Variants in TERB2 observed in about 807,000 individuals in gnomAD.
TERB2 encodes telomere repeat binding bouquet formation protein 2, also known as telomere repeats-binding bouquet formation protein 2.
A neutral mutation model predicts 29.8 loss-of-function variants in TERB2; 26 were observed. That is an observed-to-expected ratio of 0.87 (90% CI 0.64 to 1.21). The LOEUF (loss-of-function observed/expected upper bound fraction) is 1.21, where lower values mean the gene tolerates loss of function less well. TERB2 is among the 50% of genes most tolerant of loss of function. The pLI is 0.00. For synonymous variants in TERB2, 80 were observed against 90.8 expected (o/e 0.88, Z 0.68); for missense variants, 240 against 268.6 (o/e 0.89, Z 0.74).
intron 5 of TERB2, among the ~76,000 whole-genome samples, chr15:44,968,112 T>C (rs1022951888): frequency 2.3e-4 from 33 of 144,416 alleles, no homozygotes; most frequent in Non-Finnish European, 3.3e-4. Context: ...ACTAGGGACG[T>C]TGATTTTTTT....
At chr15:44,976,416 T>C (rs1016939761) in intron 6 of TERB2, among the ~76,000 whole-genome samples, 7 of 152,116 alleles carry the variant, frequency 4.6e-5, no homozygotes, top group Non-Finnish European at 8.8e-5. Flanking sequence ...AGGCTTCAAC[T>C]CTTCACCAAA....
chr15:44,964,624 T>C (rs1488867409), intron 4 of TERB2, among the ~76,000 whole-genome samples: 5 of 152,172 alleles, frequency 3.3e-5, no homozygotes, highest in Admixed American at 6.6e-5. Context: ...CCAATGTTTT[T>C]TCTACTAAAA....
chr15:44,957,929 G>T (rs1483058429), intron 2 of TERB2, among the ~76,000 whole-genome samples: 2 of 151,332 alleles, frequency 1.3e-5, no homozygotes, highest in African/African-American at 4.9e-5. Context: ...TATTGTTCAT[G>T]CATGCCTTTT....
chr15:44,978,017 G>C (rs548139985), intron 6 of TERB2, among the ~76,000 whole-genome samples: 1 of 152,020 alleles, frequency 6.6e-6, no homozygotes, highest in African/African-American at 2.4e-5. Context: ...CAGTAACATC[G>C]ATTTTTCATT....
intron 5 of TERB2, among the ~76,000 whole-genome samples, chr15:44,967,337 C>T (rs1278324980): frequency 6.6e-6 from 1 of 152,218 alleles, no homozygotes; most frequent in Non-Finnish European, 1.5e-5. Flanking sequence ...GGGGAATCCC[C>T]ACAACGGAGT....
At chr15:44,971,981 C>CTTTTTTT (rs71111900) in intron 5 of TERB2, among the ~76,000 whole-genome samples, 18 of 66,336 alleles carry the variant, frequency 2.7e-4, no homozygotes, top group Admixed American at 8.4e-4. Flanking sequence ...GAAATAGAAG[C>CTTTTTTT]TTTTTTTTTT....
Position 44,958,385 on chromosome 15 carries a change from C to G in TERB2, c.159C>G (p.Ser53Arg), listed in dbSNP as rs370199137. Residue 53 changes from serine to arginine, a missense_variant, in exon 3 of 7, where the codon AGC (serine) becomes AGG (arginine). Ser to Arg is a moderately radical substitution (Grantham distance 110). Transcript: ENST00000340827. ...SHPDTLRIYQSLDYIEDNATV... is the reference protein window; with the variant it reads ...SHPDTLRIYQRLDYIEDNATV... ...TTCTTTCTCCTAGAATATATCAGAGCCTTGATTACATAGAAGATAATGCTA... is the reference window on the plus strand; with the variant it reads ...TTCTTTCTCCTAGAATATATCAGAGGCTTGATTACATAGAAGATAATGCTA... 1.9e-6 allele frequency: 3 copies of G among 1,611,808 alleles called. No individual in the cohort carries two copies. The highest frequency in any genetic ancestry group is 2.2e-5 in the East Asian group (1 of 44,866).
intron 3 of TERB2, 128 bp downstream of exon 3, chr15:44,958,640 C>T: frequency 9.8e-7 from 1 of 1,021,776 alleles, no homozygotes; most frequent in Non-Finnish European, 1.4e-6. Flanking sequence ...ATCTATTTAA[C>T]ATAAGTGGAA....
At chr15:44,970,677 C>T (rs1038212237) in intron 5 of TERB2, 9 of 170,884 alleles carry the variant, frequency 5.3e-5, no homozygotes, top group South Asian at 1.6e-4. Context: ...TGTTCCAAAC[C>T]GTGGATCTTC....
At chr15:44,972,518 T>C (rs1356197619) in intron 5 of TERB2, among the ~76,000 whole-genome samples, 3 of 72,244 alleles carry the variant, frequency 4.2e-5, no homozygotes, top group African/African-American at 4.2e-4. Flanking sequence ...TCCTTTTAGC[T>C]TTTTTTTTTT....
At chr15:44,971,309 G>A (rs903963415) in intron 5 of TERB2, 2 of 152,204 alleles carry the variant, frequency 1.3e-5, no homozygotes, top group African/African-American at 2.4e-5. Flanking sequence ...AGCGAAAGCA[G>A]CCACTCTGAG....
chr15:44,966,760 G>A (rs1250477937), intron 5 of TERB2, among the ~76,000 whole-genome samples: 1 of 152,148 alleles, frequency 6.6e-6, no homozygotes, highest in Admixed American at 6.6e-5. Flanking sequence ...AGTGGTGAGT[G>A]ATTTCCCATC....
At chr15:44,973,977 A>G (rs755179803) in intron 6 of TERB2, 22 bp downstream of exon 6, 17 of 1,502,358 alleles carry the variant, frequency 1.1e-5, no homozygotes, top group African/African-American at 2.8e-5. Flanking sequence ...TAAAATTTAG[A>G]GTAAACTCAG....
intron 5 of TERB2, among the ~76,000 whole-genome samples, chr15:44,969,636 A>C (rs1891939601): frequency 6.6e-6 from 1 of 151,366 alleles, no homozygotes; most frequent in Admixed American, 6.6e-5. Context: ...AAAAGATAAA[A>C]AAAAAAAATT....
chr15:44,971,409 A>G (rs1484207221), intron 5 of TERB2, among the ~76,000 whole-genome samples: 1 of 152,208 alleles, frequency 6.6e-6, no homozygotes, highest in African/African-American at 2.4e-5. Flanking sequence ...AGGATATTTT[A>G]ATCGATTCTC....
intron 5 of TERB2, among the ~76,000 whole-genome samples, chr15:44,968,977 T>G (rs556906516): frequency 1.2e-3 from 178 of 152,200 alleles, no homozygotes; most frequent in African/African-American, 4.2e-3. Context: ...TCACCCAAGC[T>G]GCAGTGAGGT....
chr15:44,966,373 C>CAA (rs35986068), intron 5 of TERB2, 130 bp downstream of exon 5: 30 of 430,272 alleles, frequency 7.0e-5, no homozygotes, highest in East Asian at 5.4e-4. Flanking sequence ...TCCCATTATA[C>CAA]AAAAAAAAGA....
chr15:44,977,115 A>ACACACACACACACACACC (rs1371939306), intron 6 of TERB2, among the ~76,000 whole-genome samples: 11 of 151,160 alleles, frequency 7.3e-5, no homozygotes, highest in Admixed American at 4.0e-4. Flanking sequence ...ACACACACAC[A>ACACACACACACACACACC]CCCCAGAAAA....
chr15:44,956,973 C>T lies in TERB2; in HGVS notation c.142C>T (p.Leu48=), dbSNP rs143432397. The change falls in exon 2 of 7, where the codon CTG becomes TTG. Residue 48 remains leucine (L), a synonymous_variant. Transcript: ENST00000340827. ...CTGTGATGCCTCGCACCCAGACACGCTGAGGTACTGAGGGCGACCTGGCAG... is the reference window on the plus strand; with the variant it reads ...CTGTGATGCCTCGCACCCAGACACGTTGAGGTACTGAGGGCGACCTGGCAG... The part of the protein sequence containing the change: ...FSCDASHPDT[L]RIYQSLDYIE... 12 of 1,612,978 alleles carry T rather than the reference C, an allele frequency of 7.4e-6. No individual in the cohort carries two copies. In the African/African-American group the frequency reaches 1.5e-4, roughly 20 times the overall value.
Sources: gnomAD v4.1 joint callset for allele counts (sites outside exome capture counted in the v4.1 genomes callset) on GRCh38, gnomAD v4.1.1 for gene constraint, MANE v1.5 for transcripts, NCBI Gene and HGNC (gene_info 2026-07-23, HGNC 2026-07-21) for gene names.